The following CDH9 variants were observed in gnomAD, a reference collection of about 807,000 sequenced individuals.
CDH9 encodes cadherin-9.
CDH9 carries 28 observed loss-of-function variants against 70.9 expected under a neutral mutation model. The ratio of observed to expected loss-of-function variants is 0.40; its 90% CI spans 0.29 to 0.54. The LOEUF is 0.54. Ranked by LOEUF, CDH9 falls within the 20% of genes least tolerant of loss-of-function variation. The probability of loss-of-function intolerance (pLI) is 0.59; values close to 1 mark genes in which losing one functional copy is unlikely to be tolerated. For synonymous variants in CDH9, 409 were observed against 343.1 expected (o/e 1.19, Z -2.12); for missense variants, 874 against 984.4 (o/e 0.89, Z 1.50).
chr5:26,929,063 G>C (rs1311449332), intron 2 of CDH9, among the ~76,000 whole-genome samples: 1 of 151,806 alleles, frequency 6.6e-6, no homozygotes, highest in Non-Finnish European at 1.5e-5. Flanking sequence ...ACAACCTAAA[G>C]AATGAGAAAA....
chr5:26,933,572 G>A (rs1303872847), intron 2 of CDH9, among the ~76,000 whole-genome samples: 4 of 151,558 alleles, frequency 2.6e-5, no homozygotes, highest in African/African-American at 9.7e-5. Flanking sequence ...TCAAGAGATC[G>A]AGACCATCCA....
At chr5:26,965,123 C>T (rs13158622) in intron 2 of CDH9, among the ~76,000 whole-genome samples, 1 of 152,018 alleles carries the variant, frequency 6.6e-6, no homozygotes, top group Non-Finnish European at 1.5e-5. Context: ...TACTACAAGA[C>T]TTTCAGAATA....
chr5:26,954,643 T>C (rs1194080348), intron 2 of CDH9, among the ~76,000 whole-genome samples: 2 of 151,970 alleles, frequency 1.3e-5, no homozygotes. Flanking sequence ...CTCGGCCTCC[T>C]AAAGTGCAGG....
rs749479019 is a variant in CDH9 at position 26,886,131 on chromosome 5, CTTG to C, written c.1513-51_1513-49del. 2.5e-5 allele frequency: 38 copies of C among 1,534,168 alleles called. No individual in the cohort carries two copies. In the East Asian group the frequency reaches 8.0e-4, roughly 32 times the overall value. ...AATTAATTAAGCCTAAGGCAATGTT[CTTG>C]TTATTACAAGATATCTTAAATCCAT... is the stretch of plus-strand genomic sequence containing the variant. On this transcript the variant is annotated intron_variant, in intron 9 of 11. Transcript: ENST00000231021.
At chr5:26,926,358 A>G (rs770171074) in intron 2 of CDH9, among the ~76,000 whole-genome samples, 1 of 152,156 alleles carries the variant, frequency 6.6e-6, no homozygotes. Flanking sequence ...CAAAGAGAAT[A>G]CAATACCTAG....
intron 1 of CDH9, among the ~76,000 whole-genome samples, chr5:27,013,274 C>T (rs1742989072): frequency 6.6e-6 from 1 of 151,906 alleles, no homozygotes; most frequent in African/African-American, 2.4e-5. Flanking sequence ...CTTTTCCTGA[C>T]TTCTGCAAAC....
intron 1 of CDH9, among the ~76,000 whole-genome samples, chr5:27,009,707 A>C (rs1424742402): frequency 6.6e-6 from 1 of 152,094 alleles, no homozygotes; most frequent in Non-Finnish European, 1.5e-5. Flanking sequence ...AGCCTCAACA[A>C]GACTCAGACT....
chr5:27,007,089 G>T (rs1242702980), intron 1 of CDH9, among the ~76,000 whole-genome samples: 1 of 152,084 alleles, frequency 6.6e-6, no homozygotes, highest in African/African-American at 2.4e-5. Flanking sequence ...TCAGCCTATG[G>T]TTTCATGTCA....
At chr5:27,010,616 C>T (rs919392945) in intron 1 of CDH9, among the ~76,000 whole-genome samples, 2 of 152,104 alleles carry the variant, frequency 1.3e-5, no homozygotes, top group African/African-American at 2.4e-5. Context: ...GATCTGCCTT[C>T]CAAGTTATCA....
intron 3 of CDH9, 148 bp from the exon 4 acceptor site, chr5:26,906,986 TTAC>T: frequency 7.9e-7 from 1 of 1,261,114 alleles, no homozygotes; most frequent in South Asian, 2.7e-5. Context: ...CTCAAAAAAG[TTAC>T]TTTCCTTTCT....
Position 26,954,388 on chromosome 5 carries a change from C to CTTTTTTTTTTTTTTTTTTT in CDH9, c.228+33717_228+33718insAAAAAAAAAAAAAAAAAAA, listed in dbSNP as rs59882843. ...AGCTTTTCGCTATTATACAGCCTTT[C>CTTTTTTTTTTTTTTTTTTT]TTTTTTTTTTTTTTGAGACATAGTC... is the stretch of plus-strand genomic sequence containing the variant. On this transcript the variant is annotated intron_variant, in intron 2 of 11. Coordinates refer to ENST00000231021, the MANE Select transcript of CDH9 (RefSeq NM_016279.4). Among the ~76,000 whole-genome samples, 137 of 93,044 alleles carry CTTTTTTTTTTTTTTTTTTT rather than the reference C, an allele frequency of 1.5e-3. 31 individuals carry two copies. The highest frequency in any genetic ancestry group is 6.0e-3 in the African/African-American group (128 of 21,258). The allele number at this position is 93,044 out of a possible 152,430, so 61.0% of individuals were successfully genotyped here.
Position 26,902,627 on chromosome 5 carries a change from C to T in CDH9, c.1102G>A (p.Ala368Thr), listed in dbSNP as rs1265659383. The T allele has an allele frequency of 6.2e-7, 1 of 1,602,818 alleles. No homozygotes were observed. The highest frequency in any genetic ancestry group is 1.1e-5 in the South Asian group (1 of 90,848). ...FLHLGPFKDT[A>T]VVKISVEDID... ...TCTTCCACAGATATTTTGACCACAGCTGTATCTTTGAAAGGTCCCAGGTGT... is the reference window on the plus strand; with the variant it reads ...TCTTCCACAGATATTTTGACCACAGTTGTATCTTTGAAAGGTCCCAGGTGT... Residue 368 changes from alanine (A) to threonine (T), a missense_variant, in exon 7 of 12, where the codon GCT becomes ACT. Coordinates refer to ENST00000231021, the MANE Select transcript of CDH9 (RefSeq NM_016279.4).
chr5:26,997,328 A>G (rs1392257109), intron 1 of CDH9, among the ~76,000 whole-genome samples: 1 of 151,990 alleles, frequency 6.6e-6, no homozygotes, highest in African/African-American at 2.4e-5. Context: ...GATAAACGTA[A>G]GCAATTTTTC....
chr5:26,928,853 A>G (rs1010502793), intron 2 of CDH9, among the ~76,000 whole-genome samples: 9 of 152,114 alleles, frequency 5.9e-5, no homozygotes, highest in Admixed American at 4.6e-4. Flanking sequence ...AAAATGAACT[A>G]AAAACTTAAA....
At position 26,881,852 on chromosome 5, in the gene CDH9, C is replaced by G. The variant is rs528099380; in HGVS notation, c.1883-229G>C. Among the ~76,000 whole-genome samples the G allele has an allele frequency of 5.5e-4, 84 of 152,180 alleles. 1 individual carries two copies. Among genetic ancestry groups the G allele is most frequent in the Middle Eastern group, 6.8e-3 (2 of 294 alleles). The stretch of plus-strand genomic sequence containing the variant: ...TAATTTACTGTCAAGACATACTCTC[C>G]TATGAACTTCTGGCTTTATTCAAGT... On this transcript the variant is annotated intron_variant, in intron 11 of 11. Transcript: ENST00000231021.
chr5:26,908,775 A>C (rs1238729581), intron 3 of CDH9, among the ~76,000 whole-genome samples: 1 of 152,136 alleles, frequency 6.6e-6, no homozygotes, highest in African/African-American at 2.4e-5. Context: ...TACTTGTTCC[A>C]CCTCTCAGAG....
At chr5:26,946,600 T>C (rs1042528404) in intron 2 of CDH9, among the ~76,000 whole-genome samples, 10 of 152,286 alleles carry the variant, frequency 6.6e-5, no homozygotes, top group Admixed American at 2.6e-4. Context: ...TAAAGCTTTA[T>C]AAATAGGTTA....
chr5:26,890,555 A>C lies in CDH9; in HGVS notation c.1263T>G (p.Val421=). 6.2e-7 allele frequency: 1 copy of C among 1,606,612 alleles called. No individual in the cohort carries two copies. The highest frequency in any genetic ancestry group is 8.5e-7 in the Non-Finnish European group (1 of 1,173,274). The change falls in exon 8 of 12, where the codon GTT becomes GTG. Residue 421 remains valine, a synonymous_variant. Coordinates refer to ENST00000231021, the MANE Select transcript of CDH9 (RefSeq NM_016279.4). ...TACGGTCCATATCAGTATGCCGATC[A>C]ACAGAGTACCTGGCAGAAGACAGAC... ...DARNNLIKYS[V]DRHTDMDRIF... is the part of the protein sequence containing the mutation.
chr5:26,986,632 GA>G (rs1357568353), intron 2 of CDH9, among the ~76,000 whole-genome samples: 1 of 152,050 alleles, frequency 6.6e-6, no homozygotes, highest in Non-Finnish European at 1.5e-5. Flanking sequence ...CTGTATCTGT[GA>G]ATCTCCAAGG....
Sources: gnomAD v4.1 joint callset for allele counts (sites outside exome capture counted in the v4.1 genomes callset) on GRCh38, gnomAD v4.1.1 for gene constraint, MANE v1.5 for transcripts, NCBI Gene and HGNC (gene_info 2026-07-23, HGNC 2026-07-21) for gene names.